PTPRN2: variants seen among roughly 807,000 people sequenced by gnomAD.
The protein encoded by PTPRN2 is protein tyrosine phosphatase receptor type N2.
A neutral mutation model predicts 118.8 loss-of-function variants in PTPRN2; 74 were observed. The ratio of observed to expected loss-of-function variants is 0.62; its 90% CI spans 0.52 to 0.76. The LOEUF (loss-of-function observed/expected upper bound fraction) is 0.76. Among genes scored for constraint, PTPRN2 ranks in the 30% least tolerant of loss-of-function variants. PTPRN2 has a pLI of 0.00. For missense variants in PTPRN2, 1,481 were observed against 1,394.4 expected (o/e 1.06, Z -0.99); for synonymous variants, 641 against 608.0 (o/e 1.05, Z -0.80).
At chr7:157,761,317 G>C (rs534972006) in intron 12 of PTPRN2, among the ~76,000 whole-genome samples, 2,179 of 150,810 alleles carry the variant, frequency 0.014, 65 homozygotes, top group African/African-American at 0.049. Context: ...AAAGAACAAA[G>C]CTGGAGGCAT....
chr7:157,780,361 A>C lies in PTPRN2; in HGVS notation c.1789-97424T>G, dbSNP rs979387443. 1.3e-5 allele frequency among the ~76,000 whole-genome samples: 2 copies of C among 152,080 alleles called. No individual in the cohort carries two copies. Among genetic ancestry groups the C allele is most frequent in the East Asian group, 3.9e-4 (2 of 5,182 alleles). Reference sequence around the variant, plus strand: ...TTAGGTGACGTCGAAGCATCCAGCCATATCTGTCAGTTTATATAAGGGGTG... The same window carrying C: ...TTAGGTGACGTCGAAGCATCCAGCCCTATCTGTCAGTTTATATAAGGGGTG... On this transcript the variant is annotated intron_variant, in intron 12 of 22. Coordinates refer to ENST00000389418, the MANE Select transcript of PTPRN2 (RefSeq NM_002847.5). The surrounding 1 kb of genome is among the most constrained non-coding windows in gnomAD (Gnocchi z 4.5).
intron 11 of PTPRN2, among the ~76,000 whole-genome samples, chr7:157,941,527 G>C (rs1177833637): frequency 2.0e-5 from 3 of 151,612 alleles, no homozygotes; most frequent in African/African-American, 7.3e-5. Context: ...GACACTGCAA[G>C]CGATTCTTCA....
chr7:157,906,338 A>G (rs1797767083), intron 11 of PTPRN2, among the ~76,000 whole-genome samples: 1 of 152,242 alleles, frequency 6.6e-6, no homozygotes, highest in African/African-American at 2.4e-5. Flanking sequence ...GTCGCCGACT[A>G]ACATGAGGCC....
chr7:157,938,377 G>T (rs1310436915), intron 11 of PTPRN2, among the ~76,000 whole-genome samples: 1 of 152,210 alleles, frequency 6.6e-6, no homozygotes, highest in African/African-American at 2.4e-5. Flanking sequence ...CTTCTGCCCT[G>T]GGGATCCTGC....
At chr7:158,350,445 T>C (rs975069723) in intron 2 of PTPRN2, among the ~76,000 whole-genome samples, 7 of 152,242 alleles carry the variant, frequency 4.6e-5, no homozygotes, top group Non-Finnish European at 8.8e-5. Context: ...AGATGCTGAC[T>C]GCGGGCCTGC....
intron 10 of PTPRN2, among the ~76,000 whole-genome samples, chr7:158,104,466 T>A (rs1815499199): frequency 6.6e-6 from 1 of 151,680 alleles, no homozygotes; most frequent in African/African-American, 2.4e-5. Context: ...GCAGGGCCCC[T>A]CACAAGATGA....
At chr7:158,260,568 C>T (rs530609265) in intron 3 of PTPRN2, among the ~76,000 whole-genome samples, 24 of 152,230 alleles carry the variant, frequency 1.6e-4, no homozygotes, top group African/African-American at 5.8e-4. Flanking sequence ...TCCCACAATA[C>T]CCCAAAACAA....
chr7:158,492,881 G>A lies in PTPRN2; in HGVS notation c.113-3096C>T, dbSNP rs189904546. Among the ~76,000 whole-genome samples the A allele has an allele frequency of 2.3e-4, 35 of 152,340 alleles. No individual in the cohort carries two copies. In the East Asian group the frequency reaches 5.4e-3, roughly 24 times the overall value. The stretch of plus-strand genomic sequence containing the variant: ...GTGGGCTCCACACCCGCCATGTGGC[G>A]GCAAGTGGCATCCTGGACTTGTGTA... On this transcript the variant is annotated intron_variant, in intron 1 of 22. Coordinates refer to ENST00000389418, the MANE Select transcript of PTPRN2 (RefSeq NM_002847.5).
chr7:158,333,976 CCATAA>C (rs1388426839), intron 2 of PTPRN2, among the ~76,000 whole-genome samples: 3 of 17,582 alleles, frequency 1.7e-4, no homozygotes, highest in Non-Finnish European at 2.9e-4. Flanking sequence ...CACAATCTCA[CCATAA>C]GAGCCGACAC....
chr7:158,219,523 A>G (rs1239148751), intron 3 of PTPRN2, among the ~76,000 whole-genome samples: 1 of 152,054 alleles, frequency 6.6e-6, no homozygotes, highest in Middle Eastern at 3.2e-3. Flanking sequence ...AAAAAAAAGA[A>G]CAAACCAATC....
intron 6 of PTPRN2, among the ~76,000 whole-genome samples, chr7:158,139,473 C>A (rs148187829): frequency 3.3e-5 from 5 of 151,776 alleles, no homozygotes; most frequent in African/African-American, 1.2e-4. Flanking sequence ...GCATCCAAGC[C>A]GTCGGAGTCA....
chr7:158,515,222 T>C (rs899654562), intron 1 of PTPRN2, among the ~76,000 whole-genome samples: 24 of 151,908 alleles, frequency 1.6e-4, no homozygotes, highest in Admixed American at 3.9e-4. Flanking sequence ...GTTTCCCTCT[T>C]GTTGCCCAGG....
intron 12 of PTPRN2, among the ~76,000 whole-genome samples, chr7:157,773,724 C>T (rs1296435095): frequency 6.6e-6 from 1 of 152,192 alleles, no homozygotes; most frequent in African/African-American, 2.4e-5. Flanking sequence ...TTTCTCTGCC[C>T]ATTGGTGTCT....
intron 2 of PTPRN2, among the ~76,000 whole-genome samples, chr7:158,443,889 G>T (rs1651750271): frequency 1.3e-5 from 2 of 152,222 alleles, no homozygotes; most frequent in African/African-American, 4.8e-5. Context: ...CAGGGGCAGA[G>T]CTGCTCCCAT....
intron 9 of PTPRN2, among the ~76,000 whole-genome samples, chr7:158,123,493 A>G (rs1817347679): frequency 6.6e-6 from 1 of 152,236 alleles, no homozygotes; most frequent in African/African-American, 2.4e-5. Flanking sequence ...AGGGTCTGGG[A>G]GAAGGAGGTT....
chr7:157,978,375 G>C (rs183373181), intron 11 of PTPRN2, among the ~76,000 whole-genome samples: 6 of 152,068 alleles, frequency 3.9e-5, no homozygotes, highest in African/African-American at 1.2e-4. Flanking sequence ...TCCTAGACAA[G>C]ACACAGCAAG....
intron 1 of PTPRN2, among the ~76,000 whole-genome samples, chr7:158,547,126 G>C (rs927319754): frequency 6.6e-6 from 1 of 152,162 alleles, no homozygotes; most frequent in African/African-American, 2.4e-5. Flanking sequence ...GATTTTGGGG[G>C]CTTTGTTTTT....
intron 12 of PTPRN2, among the ~76,000 whole-genome samples, chr7:157,871,901 C>T (rs1811072080): frequency 6.6e-6 from 1 of 151,606 alleles, no homozygotes; most frequent in South Asian, 2.1e-4. Flanking sequence ...TCCCCACACA[C>T]AAATACCCAG....
intron 11 of PTPRN2, among the ~76,000 whole-genome samples, chr7:158,042,166 C>T (rs1310862060): frequency 6.6e-6 from 1 of 152,154 alleles, no homozygotes; most frequent in Non-Finnish European, 1.5e-5. Context: ...GGCACTGAAA[C>T]ACCAGCTTTT....
Sources: gnomAD v4.1 joint callset for allele counts (sites outside exome capture counted in the v4.1 genomes callset) on GRCh38, gnomAD v4.1.1 for gene constraint, Gnocchi (gnomAD v3.1) non-coding constraint, MANE v1.5 for transcripts, NCBI Gene and HGNC (gene_info 2026-07-23, HGNC 2026-07-21) for gene names.